Variants in TRPM7 observed in about 807,000 individuals in gnomAD.
TRPM7 encodes the protein LTRPC ion channel family member 7.
Under a neutral mutation model 229.7 loss-of-function variants are expected in TRPM7, and 134 were observed. The ratio of observed to expected loss-of-function variants is 0.58; its 90% CI spans 0.51 to 0.67. TRPM7 has a LOEUF of 0.67. Ranked by LOEUF, TRPM7 falls within the 30% of genes least tolerant of loss-of-function variation. The pLI is 0.00. For missense variants in TRPM7, 1,901 were observed against 2,210.0 expected, an observed-to-expected ratio of 0.86 and a Z score of 2.80; for synonymous variants, 699 against 715.2, an observed-to-expected ratio of 0.98 and a Z score of 0.36.
At chr15:50,580,012 G>A (rs534276347) in intron 30 of TRPM7, among the ~76,000 whole-genome samples, 5 of 152,152 alleles carry the variant, frequency 3.3e-5, no homozygotes, top group South Asian at 4.1e-4. Context: ...GGGCTCAAGC[G>A]ATCCACCCAC....
intron 5 of TRPM7, among the ~76,000 whole-genome samples, chr15:50,641,640 A>G (rs1363619778): frequency 2.0e-5 from 3 of 152,150 alleles, no homozygotes; most frequent in Non-Finnish European, 4.4e-5. Context: ...ATGAAGGTAG[A>G]TATTTTTACT....
At chr15:50,597,888 C>G (rs780037646) in intron 22 of TRPM7, among the ~76,000 whole-genome samples, 9 of 151,920 alleles carry the variant, frequency 5.9e-5, no homozygotes, top group Non-Finnish European at 1.2e-4. Context: ...CACTGCACTC[C>G]AGCCTGGGTG....
At position 50,580,911 on chromosome 15, in the gene TRPM7, T is replaced by G; in HGVS notation, c.4558-3A>C. On this transcript the variant is annotated splice_polypyrimidine_tract_variant and splice_region_variant and intron_variant, in intron 29 of 38. Coordinates refer to ENST00000646667, the MANE Select transcript of TRPM7 (RefSeq NM_017672.6). ...GATGGTCTATCTTGTAACCAATCCTTCAGTAAAAAAAAAACACACACACAC... is the reference window on the plus strand; with the variant it reads ...GATGGTCTATCTTGTAACCAATCCTGCAGTAAAAAAAAAACACACACACAC... The G allele has an allele frequency of 1.3e-6, 2 of 1,577,734 alleles. No homozygotes were observed. The highest frequency in any genetic ancestry group is 3.4e-4 in the Middle Eastern group (2 of 5,878).
At chr15:50,568,111 C>CAAAAAAAAAAAAAAAAAAAAAA (rs57093955) in intron 38 of TRPM7, among the ~76,000 whole-genome samples, 1 of 81,438 alleles carries the variant, frequency 1.2e-5, no homozygotes, top group African/African-American at 5.3e-5. Flanking sequence ...GACTCTGTCT[C>CAAAAAAAAAAAAAAAAAAAAAA]AAAAAAAAAA....
rs34590459 is a variant in TRPM7, at chr15:50,682,173, C to CAAAAAAAAAAAAAAAAAAAAAAAAA, written c.3+4357_3+4358insTTTTTTTTTTTTTTTTTTTTTTTTT. On this transcript the variant is annotated intron_variant, in intron 1 of 38. Transcript: ENST00000646667. ...TGGGCAAAAGAGCAAAACTCAGTCTCAAAAAAAAAAAAAAAAAAGGACTGT... is the reference window on the plus strand; with the variant it reads ...TGGGCAAAAGAGCAAAACTCAGTCTCAAAAAAAAAAAAAAAAAAAAAAAAAAAAAAAAAAAAAAAAAAAGGACTGT... 9.4e-5 allele frequency among the ~76,000 whole-genome samples: 6 copies of CAAAAAAAAAAAAAAAAAAAAAAAAA among 63,682 alleles called. 1 individual carries two copies. Among genetic ancestry groups the CAAAAAAAAAAAAAAAAAAAAAAAAA allele is most frequent in the African/African-American group, 2.0e-4 (3 of 14,986 alleles). 41.8% of individuals were successfully genotyped at this position (63,682 alleles called of 152,430 possible).
chr15:50,606,969 C>T (rs1361184158), intron 20 of TRPM7, among the ~76,000 whole-genome samples: 1 of 152,136 alleles, frequency 6.6e-6, no homozygotes, highest in Non-Finnish European at 1.5e-5. Flanking sequence ...TTATAGGCTA[C>T]ATTTCTAACA....
chr15:50,571,817 G>A (rs1156614041), intron 36 of TRPM7, among the ~76,000 whole-genome samples: 3 of 152,224 alleles, frequency 2.0e-5, no homozygotes, highest in African/African-American at 7.2e-5. Flanking sequence ...TCTACTCGGT[G>A]AAGATACCGT....
At chr15:50,650,402 A>C (rs1567083371) in intron 3 of TRPM7, among the ~76,000 whole-genome samples, 1 of 151,950 alleles carries the variant, frequency 6.6e-6, no homozygotes, top group Non-Finnish European at 1.5e-5. Flanking sequence ...GGACTAAATT[A>C]GACCTAGACA....
At position 50,634,436 on chromosome 15, in the gene TRPM7, G is replaced by A. The variant is rs1319697996; in HGVS notation, c.953C>T (p.Thr318Ile). The A allele has an allele frequency of 1.3e-6, 2 of 1,589,346 alleles. No homozygotes were observed. The highest frequency in any genetic ancestry group is 1.7e-6 in the Non-Finnish European group (2 of 1,169,580). The change falls in exon 8 of 39, where the codon ACA (threonine) becomes ATA (isoleucine). Residue 318 changes from threonine to isoleucine, a missense_variant. Thr to Ile is a moderately conservative substitution (Grantham distance 89, BLOSUM62 -1). Around this residue, in one of 8 missense-constraint regions of TRPM7, gnomAD observed 794 missense variants for 881.9 expected, o/e 0.90. Coordinates refer to ENST00000646667, the MANE Select transcript of TRPM7 (RefSeq NM_017672.6). ...PPVPVVVCEG[T>I]GRAADLLAYI... ...CGCTAGCAGATCTGCAGCTCTGCCT[G>A]TTCCTTCACACACAACTACTGGAAC... is the stretch of plus-strand genomic sequence containing the variant.
intron 1 of TRPM7, among the ~76,000 whole-genome samples, chr15:50,667,009 C>G (rs556968181): frequency 6.6e-6 from 1 of 152,112 alleles, no homozygotes; most frequent in Non-Finnish European, 1.5e-5. Context: ...GATCCAGGAA[C>G]CTGTTCCTGG....
Position 50,593,729 on chromosome 15 carries a change from C to T in TRPM7, c.3496G>A (p.Asp1166Asn). The T allele has an allele frequency of 6.2e-7, 1 of 1,609,094 alleles. No individual in the cohort carries two copies. The highest frequency in any genetic ancestry group is 8.5e-7 in the Non-Finnish European group (1 of 1,178,664). ...DGPKLFLTEE[D>N]QKKLHDFEEQ... Reference sequence around the variant, plus strand: ...TCAAAATCATGAAGTTTCTTTTGATCTTCTTCTGTTAAGAAAAGTTCTATG... The same window carrying T: ...TCAAAATCATGAAGTTTCTTTTGATTTTCTTCTGTTAAGAAAAGTTCTATG... The change falls in exon 25 of 39, where the codon GAT (aspartate) becomes AAT (asparagine). Residue 1166 changes from aspartate (D) to asparagine (N), a missense_variant. By Grantham distance (23) the Asp-to-Asn change is conservative (BLOSUM62 1). Around this residue, in one of 8 missense-constraint regions of TRPM7, gnomAD observed 533 missense variants for 497.1 expected, o/e 1.07. Coordinates refer to ENST00000646667, the MANE Select transcript of TRPM7 (RefSeq NM_017672.6).
At chr15:50,569,584 A>G (rs1034199455) in intron 38 of TRPM7, among the ~76,000 whole-genome samples, 1 of 152,152 alleles carries the variant, frequency 6.6e-6, no homozygotes, top group African/African-American at 2.4e-5. Context: ...AATATTCAAC[A>G]TGAGGCTAAA....
chr15:50,638,086 G>A (rs1475228228), intron 6 of TRPM7, among the ~76,000 whole-genome samples: 3 of 151,828 alleles, frequency 2.0e-5, no homozygotes, highest in Admixed American at 6.6e-5. Flanking sequence ...GAGGCCGGGC[G>A]CGGTGGCTCA....
chr15:50,570,827 C>T lies in TRPM7; in HGVS notation c.5309-672G>A, dbSNP rs1239084698. ...CCAAAATCGTACTACTGCACTCTAG[C>T]CTGGGCAACAGAGTGAAATTCGTCT... On this transcript the variant is annotated intron_variant, in intron 36 of 38. Coordinates refer to ENST00000646667, the MANE Select transcript of TRPM7 (RefSeq NM_017672.6). Among the ~76,000 whole-genome samples the T allele has an allele frequency of 4.0e-5, 6 of 151,564 alleles. No homozygotes were observed. In the South Asian group the frequency reaches 1.0e-3, roughly 26 times the overall value.
chr15:50,646,604 AAAT>A (rs1319777877), intron 4 of TRPM7, among the ~76,000 whole-genome samples: 3 of 152,194 alleles, frequency 2.0e-5, no homozygotes, highest in Non-Finnish European at 4.4e-5. Flanking sequence ...AAATCTAAAT[AAAT>A]AATAACTGTT....
chr15:50,632,118 C>A (rs867452682), intron 9 of TRPM7, among the ~76,000 whole-genome samples: 1 of 152,030 alleles, frequency 6.6e-6, no homozygotes, highest in Non-Finnish European at 1.5e-5. Flanking sequence ...GCCTGGCCAA[C>A]ACAGTGAAAC....
Position 50,611,239 on chromosome 15 carries a change from C to G in TRPM7, c.2134G>C (p.Glu712Gln). 1 of 1,613,894 alleles carries G rather than the reference C, an allele frequency of 6.2e-7. No homozygotes were observed. The highest frequency in any genetic ancestry group is 8.5e-7 in the Non-Finnish European group (1 of 1,179,926). The change falls in exon 17 of 39, where the codon GAA becomes CAA. Residue 712 changes from glutamate to glutamine, a missense_variant. Coordinates refer to ENST00000646667, the MANE Select transcript of TRPM7 (RefSeq NM_017672.6). ...ETMAMKLLTY[E>Q]LKNWSNSTCL... ...GTTGAATTACTCCAGTTCTTCAGTT[C>G]ATAAGTGAGCAATTTCATAGCCATG...
intron 3 of TRPM7, among the ~76,000 whole-genome samples, chr15:50,651,388 G>A (rs1348862006): frequency 6.6e-6 from 1 of 152,194 alleles, no homozygotes; most frequent in African/African-American, 2.4e-5. Flanking sequence ...GCTCACGCCT[G>A]TAATCCCAGC....
Position 50,595,620 on chromosome 15 carries a change from G to A in TRPM7, c.3290+635C>T, listed in dbSNP as rs376977325. On this transcript the variant is annotated intron_variant, in intron 23 of 38. Transcript: ENST00000646667. ...TCATGCCTGTAATCCCAGCACTTGG[G>A]GAAGCTGAAGTGGATGGATCACATG... 5.9e-5 allele frequency among the ~76,000 whole-genome samples: 9 copies of A among 152,144 alleles called. No individual in the cohort carries two copies. In the East Asian group the frequency reaches 1.2e-3, roughly 20 times the overall value.
Sources: allele counts gnomAD v4.1 joint callset (sites outside exome capture counted in the v4.1 genomes callset), GRCh38; gene constraint gnomAD v4.1.1; regional missense constraint gnomAD v4.1.1; transcripts MANE v1.5; gene names NCBI Gene and HGNC (gene_info 2026-07-23, HGNC 2026-07-21).